Variants in BMPR2 observed in about 807,000 individuals in gnomAD.
BMPR2 encodes bone morphogenetic protein receptor type 2, also known as bone morphogenetic protein receptor type-2.
In BMPR2, 29 loss-of-function variants were observed where a neutral mutation model predicts 100.8. The ratio of observed to expected loss-of-function variants is 0.29; its 90% CI spans 0.21 to 0.39. The LOEUF (loss-of-function observed/expected upper bound fraction) is 0.39, where lower values mean the gene tolerates loss of function less well. Ranked by LOEUF, BMPR2 falls within the 10% of genes least tolerant of loss-of-function variation. The pLI is 1.00. For missense variants in BMPR2, 1,011 were observed against 1,274.5 expected, an observed-to-expected ratio of 0.79 and a Z score of 3.15; for synonymous variants, 382 against 442.3, an observed-to-expected ratio of 0.86 and a Z score of 1.71.
chr2:202,474,929 GA>G (rs1692513319), intron 3 of BMPR2: 1 of 151,866 alleles, frequency 6.6e-6, no homozygotes, highest in African/African-American at 2.4e-5. Context: ...TGTTTATTTG[GA>G]AAAAGAGAAA....
At chr2:202,489,245 C>T (rs540739763) in intron 3 of BMPR2, among the ~76,000 whole-genome samples, 150 of 152,214 alleles carry the variant, frequency 9.9e-4, no homozygotes, top group Middle Eastern at 6.8e-3. Context: ...TCAGGCGATC[C>T]ACCCTCCTTG....
At chr2:202,420,540 T>C (rs1168285292) in intron 1 of BMPR2, among the ~76,000 whole-genome samples, 1 of 61,434 alleles carries the variant, frequency 1.6e-5, no homozygotes, top group Non-Finnish European at 3.0e-5. Flanking sequence ...AAGCATGATT[T>C]TTTTTTTTTT....
chr2:202,463,643 C>T (rs1692264237), intron 1 of BMPR2, among the ~76,000 whole-genome samples: 1 of 152,152 alleles, frequency 6.6e-6, no homozygotes, highest in Admixed American at 6.5e-5. Context: ...AATTAAAGAT[C>T]AGATATTGCT....
chr2:202,477,648 A>G (rs1692576599), intron 3 of BMPR2, among the ~76,000 whole-genome samples: 1 of 152,100 alleles, frequency 6.6e-6, no homozygotes, highest in African/African-American at 2.4e-5. Flanking sequence ...TTAGCTGGGC[A>G]TGGTGGCAGG....
intron 1 of BMPR2, among the ~76,000 whole-genome samples, chr2:202,389,551 GT>G (rs1690504254): frequency 6.9e-6 from 1 of 145,368 alleles, no homozygotes; most frequent in African/African-American, 2.5e-5. Flanking sequence ...AAAAAGACTT[GT>G]TTTTGCTTTT....
chr2:202,467,026 C>T (rs1357001294), intron 2 of BMPR2: 4 of 189,822 alleles, frequency 2.1e-5, no homozygotes, highest in Non-Finnish European at 3.3e-5. Flanking sequence ...TTTGGGAGGC[C>T]GAGGCAGGCA....
At position 202,456,162 on chromosome 2, in the gene BMPR2, TTG is replaced by T. The variant is rs1177937913; in HGVS notation, c.77-8645_77-8644del. On this transcript the variant is annotated intron_variant, in intron 1 of 12. Transcript: ENST00000374580. Reference sequence around the variant, plus strand: ...TCATCACAAAGGACACTATGTTTTTTTGTTTGTTTGTTTGTTTTTGTTTTTTT... The same window carrying T: ...TCATCACAAAGGACACTATGTTTTTTTTTGTTTGTTTGTTTTTGTTTTTTT... 2.7e-3 allele frequency among the ~76,000 whole-genome samples: 409 copies of T among 151,126 alleles called. 2 individuals carry two copies. The highest frequency in any genetic ancestry group is 9.6e-3 in the African/African-American group (396 of 41,110).
Position 202,377,279 on chromosome 2 carries a change from A to G in BMPR2, c.-196A>G. 1.5e-6 allele frequency: 1 copy of G among 651,606 alleles called. No homozygotes were observed. Among genetic ancestry groups the G allele is most frequent in the South Asian group, 1.8e-5 (1 of 56,846 alleles). The allele number at this position is 651,606 out of a possible 1,614,324, so 40.4% of individuals were successfully genotyped here. On this transcript the variant is annotated 5_prime_UTR_variant, in exon 1 of 13. Coordinates refer to ENST00000374580, the MANE Select transcript of BMPR2 (RefSeq NM_001204.7). ...GAACCCCCCCAGCCGCGAGGGAGAG[A>G]AATGAAGGGAATTTCTGCAGCGGCA... is the stretch of plus-strand genomic sequence containing the variant.
At chr2:202,441,044 A>G (rs1453357647) in intron 1 of BMPR2, among the ~76,000 whole-genome samples, 1 of 150,258 alleles carries the variant, frequency 6.7e-6, no homozygotes, top group East Asian at 1.9e-4. Flanking sequence ...GCAGTGGCAC[A>G]ATCTTGGCTC....
chr2:202,467,217 C>T (rs981842300), intron 2 of BMPR2, among the ~76,000 whole-genome samples: 5 of 152,138 alleles, frequency 3.3e-5, no homozygotes, highest in Non-Finnish European at 5.9e-5. Context: ...GAGCTGAGAT[C>T]GTGCCATTGC....
Position 202,562,442 on chromosome 2 carries a change from C to G in BMPR2, c.*2496C>G, listed in dbSNP as rs1315441863. The stretch of plus-strand genomic sequence containing the variant: ...AGTAGGAAAGGTGGAAAGTATATAT[C>G]ATTTTTATAAATTTTAAATTGTACA... On this transcript the variant is annotated 3_prime_UTR_variant, in exon 13 of 13. Transcript: ENST00000374580. 6.6e-6 allele frequency: 1 copy of G among 152,514 alleles called. No individual in the cohort carries two copies. Among genetic ancestry groups the G allele is most frequent in the Non-Finnish European group, 1.5e-5 (1 of 68,002 alleles). The allele number at this position is 152,514 out of a possible 1,614,324, so 9.4% of individuals were successfully genotyped here.
chr2:202,441,106 G>T (rs886218611), intron 1 of BMPR2, among the ~76,000 whole-genome samples: 1 of 149,746 alleles, frequency 6.7e-6, no homozygotes, highest in Non-Finnish European at 1.5e-5. Flanking sequence ...TCAGCCTCCC[G>T]AGTAGCTGGG....
intron 3 of BMPR2, among the ~76,000 whole-genome samples, chr2:202,478,010 C>T (rs775631734): frequency 1.1e-4 from 17 of 152,112 alleles, no homozygotes; most frequent in Non-Finnish European, 1.8e-4. Context: ...ATGGTTATTC[C>T]TAGACATGCA....
At chr2:202,428,254 TTCTC>T (rs952348012) in intron 1 of BMPR2, among the ~76,000 whole-genome samples, 1 of 151,990 alleles carries the variant, frequency 6.6e-6, no homozygotes, top group East Asian at 1.9e-4. Flanking sequence ...GAGTCCCTAT[TTCTC>T]TCTCTCTACA....
intron 1 of BMPR2, among the ~76,000 whole-genome samples, chr2:202,386,408 C>T (rs1237136573): frequency 6.6e-6 from 1 of 152,162 alleles, no homozygotes; most frequent in African/African-American, 2.4e-5. Flanking sequence ...TCTATCCTTC[C>T]AGTTGTTCAG....
intron 1 of BMPR2, among the ~76,000 whole-genome samples, chr2:202,416,066 G>A (rs1176574044): frequency 6.6e-6 from 1 of 152,178 alleles, no homozygotes; most frequent in Non-Finnish European, 1.5e-5. Flanking sequence ...ATGGGAGGAG[G>A]TTAAAATATC....
chr2:202,458,606 C>T (rs564287298), intron 1 of BMPR2, among the ~76,000 whole-genome samples: 2 of 152,086 alleles, frequency 1.3e-5, no homozygotes, highest in African/African-American at 2.4e-5. Flanking sequence ...CTGAGTTTAA[C>T]AGATCTTTAG....
intron 3 of BMPR2, among the ~76,000 whole-genome samples, chr2:202,499,593 G>A (rs144173541): frequency 0.015 from 2,340 of 152,234 alleles, 61 homozygotes; most frequent in African/African-American, 0.052. Flanking sequence ...TTCCTCGAGC[G>A]GCTACGAGAG....
chr2:202,448,026 A>G (rs999381677), intron 1 of BMPR2, among the ~76,000 whole-genome samples: 25 of 150,356 alleles, frequency 1.7e-4, no homozygotes, highest in Non-Finnish European at 3.2e-4. Context: ...TATGACTTAT[A>G]TTTACACCAT....
Sources: gnomAD v4.1 joint callset for allele counts (sites outside exome capture counted in the v4.1 genomes callset) on GRCh38, gnomAD v4.1.1 for gene constraint, MANE v1.5 for transcripts, NCBI Gene and HGNC (gene_info 2026-07-23, HGNC 2026-07-21) for gene names.